Variants in SPMAP2L observed in about 807,000 individuals in gnomAD.
The protein encoded by SPMAP2L is sperm microtubule associated protein 2 like.
the SPMAP2L span, among the ~76,000 whole-genome samples, chr4:56,582,927 T>C: frequency 3.9e-5 from 6 of 152,196 alleles, no homozygotes; most frequent in Non-Finnish European, 8.8e-5. Context: ...CTAAACATGC[T>C]AAGTGAAGGA....
chr4:56,610,410 C>T, the SPMAP2L span, among the ~76,000 whole-genome samples: 2 of 152,184 alleles, frequency 1.3e-5, no homozygotes, highest in Admixed American at 1.3e-4. Context: ...AAGAATGAAA[C>T]TGGATCCTCA....
the SPMAP2L span, among the ~76,000 whole-genome samples, chr4:56,579,121 T>A: frequency 2.0e-5 from 3 of 152,004 alleles, no homozygotes; most frequent in African/African-American, 7.2e-5. Flanking sequence ...ATCTAACACA[T>A]GTCTATGAAA....
chr4:56,585,810 C>T, the SPMAP2L span, among the ~76,000 whole-genome samples: 2 of 152,154 alleles, frequency 1.3e-5, no homozygotes, highest in Admixed American at 6.5e-5. Context: ...CCACTGCACG[C>T]CATGGACTAC....
the SPMAP2L span, chr4:56,603,175 T>C: frequency 7.0e-7 from 1 of 1,435,206 alleles, no homozygotes; most frequent in Non-Finnish European, 9.4e-7. Context: ...CTGTTCATCT[T>C]ATTTCAGGTT....
At chr4:56,535,452 T>TGTTCC in the SPMAP2L span, among the ~76,000 whole-genome samples, 1 of 152,162 alleles carries the variant, frequency 6.6e-6, no homozygotes, top group Admixed American at 6.5e-5. Context: ...TGTTCTGTTC[T>TGTTCC]GTTCTAATTA....
chr4:56,544,353 A>G, the SPMAP2L span, among the ~76,000 whole-genome samples: 1 of 152,200 alleles, frequency 6.6e-6, no homozygotes, highest in South Asian at 2.1e-4. Flanking sequence ...GCACCTCTTA[A>G]GATGGGTTCT....
At chr4:56,594,019 T>C in the SPMAP2L span, 1 of 1,611,282 alleles carries the variant, frequency 6.2e-7, no homozygotes. Context: ...GCAGGGCCGC[T>C]CAGCGGCAGA....
chr4:56,574,363 G>A, the SPMAP2L span, among the ~76,000 whole-genome samples: 1 of 152,144 alleles, frequency 6.6e-6, no homozygotes, highest in Non-Finnish European at 1.5e-5. Flanking sequence ...AGGCTGCCAT[G>A]AGCCATGATT....
chr4:56,613,022 C>T, the SPMAP2L span, among the ~76,000 whole-genome samples: 1 of 152,084 alleles, frequency 6.6e-6, no homozygotes, highest in Admixed American at 6.6e-5. Context: ...CACAGCCAGG[C>T]CCATAAGGGT....
chr4:56,541,452 A>T, the SPMAP2L span, among the ~76,000 whole-genome samples: 7 of 152,208 alleles, frequency 4.6e-5, no homozygotes, highest in Non-Finnish European at 1.5e-5. Context: ...GTAATTTAAT[A>T]CACTTTTTAA....
At chr4:56,620,379 C>T in the SPMAP2L span, among the ~76,000 whole-genome samples, 2 of 145,418 alleles carry the variant, frequency 1.4e-5, no homozygotes, top group East Asian at 4.2e-4. Context: ...AACAAAATAG[C>T]CTTCTAGTTT....
At chr4:56,597,096 G>T in the SPMAP2L span, among the ~76,000 whole-genome samples, 1 of 152,220 alleles carries the variant, frequency 6.6e-6, no homozygotes, top group African/African-American at 2.4e-5. Flanking sequence ...AAGATACTTT[G>T]CCTATGGTAG....
At chr4:56,595,949 C>T in the SPMAP2L span, among the ~76,000 whole-genome samples, 1 of 152,140 alleles carries the variant, frequency 6.6e-6, no homozygotes, top group Non-Finnish European at 1.5e-5. Context: ...GTGCCAGTTG[C>T]CTGGATTGGG....
At chr4:56,578,449 GA>G in the SPMAP2L span, among the ~76,000 whole-genome samples, 1 of 151,812 alleles carries the variant, frequency 6.6e-6, no homozygotes, top group Non-Finnish European at 1.5e-5. Context: ...AAAATATATA[GA>G]AAAAATAGCA....
At chr4:56,575,450 A>T in the SPMAP2L span, 1 of 1,525,778 alleles carries the variant, frequency 6.6e-7, no homozygotes, top group Non-Finnish European at 8.8e-7. Context: ...AAATACTATG[A>T]CAATTTGAAA....
At chr4:56,563,090 C>CTTT in the SPMAP2L span, among the ~76,000 whole-genome samples, 2,927 of 98,232 alleles carry the variant, frequency 0.03, 279 homozygotes, top group African/African-American at 0.052. Context: ...GTTGTTAAGG[C>CTTT]TTTTTTTTTT....
At chr4:56,601,207 A>T in the SPMAP2L span, 1 of 1,209,814 alleles carries the variant, frequency 8.3e-7, no homozygotes, top group Non-Finnish European at 1.1e-6. Context: ...AGTTGTAGAA[A>T]TATGAAAAGA....
the SPMAP2L span, among the ~76,000 whole-genome samples, chr4:56,619,108 A>G: frequency 6.6e-6 from 1 of 152,366 alleles, no homozygotes; most frequent in East Asian, 1.9e-4. Flanking sequence ...TTTATAAATT[A>G]GGCACTGTAA....
At chr4:56,554,663 T>C in the SPMAP2L span, among the ~76,000 whole-genome samples, 1 of 152,186 alleles carries the variant, frequency 6.6e-6, no homozygotes, top group Non-Finnish European at 1.5e-5. Context: ...ATTTTAATTT[T>C]TATGAAGTTC....
Sources: gnomAD v4.1 joint callset for allele counts (sites outside exome capture counted in the v4.1 genomes callset) on GRCh38, gnomAD v4.1.1 for gene constraint, MANE v1.5 for transcripts, NCBI Gene and HGNC (gene_info 2026-07-23, HGNC 2026-07-21) for gene names.